Variants in PARD3B observed in about 807,000 individuals in gnomAD.
The protein encoded by PARD3B is partitioning defective 3 homolog B.
A neutral mutation model predicts 130.2 loss-of-function variants in PARD3B; 103 were observed. The ratio of observed to expected loss-of-function variants is 0.79; its 90% CI spans 0.67 to 0.93. The LOEUF (loss-of-function observed/expected upper bound fraction) is 0.93. PARD3B is among the 40% of genes least tolerant of loss of function. The probability of loss-of-function intolerance (pLI) is 0.00; values close to 1 mark genes in which losing one functional copy is unlikely to be tolerated. For synonymous variants in PARD3B, 583 were observed against 553.2 expected (o/e 1.05, Z -0.76); for missense variants, 1,609 against 1,499.2 (o/e 1.07, Z -1.21).
chr2:204,898,035 A>G (rs907649165), intron 2 of PARD3B, among the ~76,000 whole-genome samples: 1 of 152,068 alleles, frequency 6.6e-6, no homozygotes, highest in African/African-American at 2.4e-5. Context: ...TGATTGGTGC[A>G]CATGTTATAA....
rs1011377483 is a variant in PARD3B at position 204,719,689 on chromosome 2, C to T, written c.222+33407C>T. 2.0e-5 allele frequency among the ~76,000 whole-genome samples: 3 copies of T among 152,054 alleles called. No individual in the cohort carries two copies. The South Asian group carries it at 6.2e-4, about 31-fold the overall frequency. ...CACTATAACAATAACTGAAAAGAAA[C>T]AAGAAGTATTATTACTGATTTAATT... is the stretch of plus-strand genomic sequence containing the variant. On this transcript the variant is annotated intron_variant, in intron 2 of 22. Coordinates refer to ENST00000406610, the MANE Select transcript of PARD3B (RefSeq NM_001302769.2).
intron 18 of PARD3B, chr2:205,348,034 T>G (rs2043858025): frequency 6.6e-6 from 1 of 152,108 alleles, no homozygotes. Flanking sequence ...CGACCAAAGA[T>G]CCCCTGTTCT....
intron 18 of PARD3B, among the ~76,000 whole-genome samples, chr2:205,368,430 T>G (rs529985306): frequency 1.3e-5 from 2 of 152,150 alleles, no homozygotes; most frequent in African/African-American, 4.8e-5. Flanking sequence ...GCCAGGAGTT[T>G]AAGACCAGCC....
At chr2:204,617,421 C>T (rs1244883895) in intron 1 of PARD3B, among the ~76,000 whole-genome samples, 2 of 152,162 alleles carry the variant, frequency 1.3e-5, no homozygotes, top group East Asian at 1.9e-4. Flanking sequence ...AGGTAAAAAT[C>T]AGTCTTGCAG....
intron 3 of PARD3B, among the ~76,000 whole-genome samples, chr2:205,003,930 G>C (rs899032298): frequency 1.3e-5 from 2 of 152,144 alleles, no homozygotes; most frequent in Non-Finnish European, 2.9e-5. Context: ...TTTGGGAATT[G>C]GTTTGTTGTA....
At chr2:204,968,711 C>T (rs568948030) in intron 3 of PARD3B, among the ~76,000 whole-genome samples, 53 of 152,296 alleles carry the variant, frequency 3.5e-4, no homozygotes, top group Non-Finnish European at 7.5e-4. Context: ...TTCATGAAGC[C>T]TTGTCCAAAT....
At chr2:205,302,816 GGGCT>G (rs1002116124) in intron 18 of PARD3B, among the ~76,000 whole-genome samples, 2 of 152,092 alleles carry the variant, frequency 1.3e-5, no homozygotes, top group Non-Finnish European at 2.9e-5. Context: ...ATGAGCAATG[GGGCT>G]TCACACACAT....
chr2:204,672,224 A>G (rs1405280152), intron 1 of PARD3B, among the ~76,000 whole-genome samples: 1 of 152,168 alleles, frequency 6.6e-6, no homozygotes, highest in Non-Finnish European at 1.5e-5. Flanking sequence ...TTAGCAGGCT[A>G]TTTTCTGAAA....
In PARD3B at chr2:204,986,685, C is replaced by T. The variant is rs574113056; in HGVS notation, c.394+21362C>T. 2.4e-3 allele frequency among the ~76,000 whole-genome samples: 361 copies of T among 152,266 alleles called. 1 individual carries two copies. Among genetic ancestry groups the T allele is most frequent in the African/African-American group, 8.2e-3 (342 of 41,568 alleles). ...GTCTTTTCTGTGAAGTTTAAAAAATCTCTTTGGCAAAAATTCCTAATGTGA... is the reference window on the plus strand; with the variant it reads ...GTCTTTTCTGTGAAGTTTAAAAAATTTCTTTGGCAAAAATTCCTAATGTGA... On this transcript the variant is annotated intron_variant, in intron 3 of 22. Coordinates refer to ENST00000406610, the MANE Select transcript of PARD3B (RefSeq NM_001302769.2).
chr2:204,555,333 G>A (rs1441639799), intron 1 of PARD3B, among the ~76,000 whole-genome samples: 9 of 152,082 alleles, frequency 5.9e-5, no homozygotes, highest in African/African-American at 1.4e-4. Flanking sequence ...TGAGGTGGGC[G>A]AATCACCTGA....
chr2:205,363,133 G>A (rs1281584457), intron 18 of PARD3B, among the ~76,000 whole-genome samples: 2 of 152,144 alleles, frequency 1.3e-5, no homozygotes, highest in Non-Finnish European at 2.9e-5. Flanking sequence ...TCGAAATCAA[G>A]CACAGGAAGC....
At chr2:204,643,533 C>T (rs2035165976) in intron 1 of PARD3B, among the ~76,000 whole-genome samples, 3 of 152,184 alleles carry the variant, frequency 2.0e-5, no homozygotes, top group African/African-American at 7.2e-5. Context: ...CATGGGGCCA[C>T]ATGCAACGCA....
At chr2:205,316,918 C>T (rs902131658) in intron 18 of PARD3B, among the ~76,000 whole-genome samples, 4 of 152,110 alleles carry the variant, frequency 2.6e-5, no homozygotes, top group African/African-American at 7.2e-5. Flanking sequence ...CTAACATCGT[C>T]TTTTATTCAT....
chr2:204,994,257 C>T lies in PARD3B; in HGVS notation c.394+28934C>T, dbSNP rs1206465448. On this transcript the variant is annotated intron_variant, in intron 3 of 22. Coordinates refer to ENST00000406610, the MANE Select transcript of PARD3B (RefSeq NM_001302769.2). ...CCTCTACACACTGCTTTGAATGCGT[C>T]CCAGAGATTCTGGTATGTTGTGTCT... Among the ~76,000 whole-genome samples, 3 of 118,776 alleles carry T rather than the reference C, an allele frequency of 2.5e-5. No homozygotes were observed. The East Asian group carries it at 6.8e-4, about 27-fold the overall frequency. The allele number at this position is 118,776 out of a possible 152,430, so 77.9% of individuals were successfully genotyped here. A position where few individuals can be genotyped will look rare whatever the true frequency, so the allele number is the denominator to read the frequency against.
chr2:205,075,703 T>C (rs990148299), intron 4 of PARD3B, among the ~76,000 whole-genome samples: 5 of 151,194 alleles, frequency 3.3e-5, no homozygotes, highest in African/African-American at 1.2e-4. Flanking sequence ...AAAAAAAGAA[T>C]TTTTGATAGA....
chr2:204,567,111 T>G (rs1217189970), intron 1 of PARD3B, among the ~76,000 whole-genome samples: 2 of 152,166 alleles, frequency 1.3e-5, no homozygotes. Context: ...ACTCCCAGCC[T>G]CAGGTGATCT....
At chr2:205,517,489 C>T (rs1468348863) in intron 21 of PARD3B, among the ~76,000 whole-genome samples, 1 of 152,058 alleles carries the variant, frequency 6.6e-6, no homozygotes, top group Non-Finnish European at 1.5e-5. Flanking sequence ...ATTAGTCTAG[C>T]TACCAGCCTA....
At chr2:204,839,417 C>T (rs1235583965) in intron 2 of PARD3B, among the ~76,000 whole-genome samples, 1 of 152,130 alleles carries the variant, frequency 6.6e-6, no homozygotes, top group Non-Finnish European at 1.5e-5. Context: ...TATATGTAAA[C>T]CAAACAGACT....
intron 21 of PARD3B, among the ~76,000 whole-genome samples, chr2:205,529,499 AT>A (rs1265079990): frequency 4.0e-5 from 6 of 151,372 alleles, no homozygotes; most frequent in Admixed American, 2.0e-4. Flanking sequence ...GAGCTCTTAG[AT>A]TTTTTTTTCT....
Sources: allele counts gnomAD v4.1 joint callset (sites outside exome capture counted in the v4.1 genomes callset), GRCh38; gene constraint gnomAD v4.1.1; transcripts MANE v1.5; gene names NCBI Gene and HGNC (gene_info 2026-07-23, HGNC 2026-07-21).